Variants in GSDME observed in about 807,000 individuals in gnomAD.
GSDME encodes the protein gasdermin E.
GSDME carries 44 observed loss-of-function variants against 47.5 expected under a neutral mutation model. The observed-to-expected ratio is 0.93, with a 90% CI of 0.73 to 1.19. GSDME has a LOEUF of 1.19. Ranked by LOEUF, GSDME falls within the 50% of genes most tolerant of loss-of-function variation. GSDME has a pLI of 0.00. For missense variants in GSDME, 663 were observed against 604.2 expected (o/e 1.10, Z -1.02); for synonymous variants, 258 against 252.8 (o/e 1.02, Z -0.20).
chr7:24,722,591 C>T (rs1458113144), intron 3 of GSDME, among the ~76,000 whole-genome samples: 6 of 152,190 alleles, frequency 3.9e-5, no homozygotes, highest in African/African-American at 9.7e-5. Context: ...CCACAACTGC[C>T]GCCTTTAGGA....
In GSDME at chr7:24,712,441, G is replaced by A. The variant is rs1316300590; in HGVS notation, c.698-2053C>T. Reference sequence around the variant, plus strand: ...TTCACCCATGCATAGCTCCCTGAGGGCGCCACCAATTAATTCCTTCATTCT... The same window carrying A: ...TTCACCCATGCATAGCTCCCTGAGGACGCCACCAATTAATTCCTTCATTCT... On this transcript the variant is annotated intron_variant, in intron 5 of 9. Coordinates refer to ENST00000645220, the MANE Select transcript of GSDME (RefSeq NM_001127453.2). This position sits in a 1 kb window ranked among gnomAD's most constrained non-coding sequence, Gnocchi z 4.4. 6.6e-6 allele frequency among the ~76,000 whole-genome samples: 1 copy of A among 152,138 alleles called. No individual in the cohort carries two copies. Among genetic ancestry groups the A allele is most frequent in the Non-Finnish European group, 1.5e-5 (1 of 68,026 alleles).
intron 8 of GSDME, chr7:24,703,108 T>TG: frequency 7.9e-6 from 3 of 381,046 alleles, no homozygotes; most frequent in East Asian, 6.5e-5. Flanking sequence ...GCCCAGACTC[T>TG]GGGGGAAGGA....
upstream of GSDME, chr7:24,757,474 G>A (rs10243512): frequency 1.3e-5 from 2 of 151,680 alleles, no homozygotes; most frequent in Non-Finnish European, 2.9e-5. The surrounding 1 kb of genome is among the most constrained non-coding windows in gnomAD (Gnocchi z 5.9). Flanking sequence ...TGGGCCGGCG[G>A]GGGGCGGGCG....
At chr7:24,710,109 A>C in intron 6 of GSDME, 115 bp downstream of exon 6, 1 of 1,183,788 alleles carries the variant, frequency 8.4e-7, no homozygotes, top group Non-Finnish European at 1.2e-6. Context: ...CTCTCTTCTC[A>C]TATGTTTTCT....
chr7:24,756,830 G>C lies in GSDME; in HGVS notation c.-20+566C>G, dbSNP rs368070311. On this transcript the variant is annotated intron_variant, in intron 1 of 9. Coordinates refer to ENST00000645220, the MANE Select transcript of GSDME (RefSeq NM_001127453.2). This position sits in a 1 kb window ranked among gnomAD's most constrained non-coding sequence, Gnocchi z 4.2. ...CATTCCAGCGCATGCCAGGCACACCGAGTGGGGCTTGGCCTCCTCCCCAAG... is the reference window on the plus strand; with the variant it reads ...CATTCCAGCGCATGCCAGGCACACCCAGTGGGGCTTGGCCTCCTCCCCAAG... Among the ~76,000 whole-genome samples, 1 of 152,204 alleles carries C rather than the reference G, an allele frequency of 6.6e-6. No individual in the cohort carries two copies. The highest frequency in any genetic ancestry group is 1.5e-5 in the Non-Finnish European group (1 of 68,038).
chr7:24,706,855 T>C (rs553949125), intron 7 of GSDME, among the ~76,000 whole-genome samples: 1 of 140,916 alleles, frequency 7.1e-6, no homozygotes, highest in Admixed American at 7.0e-5. Flanking sequence ...ACCCCGCCAA[T>C]TCTGCACCAC....
rs892049696 is a variant in GSDME, at chr7:24,714,837, T to C, written c.697+2417A>G. Among the ~76,000 whole-genome samples the C allele has an allele frequency of 5.3e-5, 8 of 152,112 alleles. No individual in the cohort carries two copies. The highest frequency in any genetic ancestry group is 8.8e-5 in the Non-Finnish European group (6 of 68,026). On this transcript the variant is annotated intron_variant, in intron 5 of 9. Transcript: ENST00000645220. This position sits in a 1 kb window ranked among gnomAD's most constrained non-coding sequence, Gnocchi z 5.0. ...ACCACCTAGAGTGGCAGCCCAGGCCTGGGTCCCCGCCACCGAAGGGTCCGC... is the reference window on the plus strand; with the variant it reads ...ACCACCTAGAGTGGCAGCCCAGGCCCGGGTCCCCGCCACCGAAGGGTCCGC...
At chr7:24,717,664 C>T (rs1360907892) in intron 4 of GSDME, among the ~76,000 whole-genome samples, 2 of 152,144 alleles carry the variant, frequency 1.3e-5, no homozygotes, top group African/African-American at 2.4e-5. Flanking sequence ...TCATACGATA[C>T]GTAAGATCAC....
At position 24,706,332 on chromosome 7, in the gene GSDME, C is replaced by T. The variant is rs752571953; in HGVS notation, c.1035G>A (p.Leu345=). The change falls in exon 8 of 10, where the codon CTG becomes CTA. Residue 345 remains leucine, a synonymous_variant. Coordinates refer to ENST00000645220, the MANE Select transcript of GSDME (RefSeq NM_001127453.2). ...VSGLSPTVAV[L]GELKPRQQQD... ...GCTGCTGCCGGGGCTTCAGCTCCCC[C>T]AGCACCGCCACTGTGGGCGAGAGGC... is the stretch of plus-strand genomic sequence containing the variant. 2.5e-6 allele frequency: 4 copies of T among 1,613,174 alleles called. No homozygotes were observed. The South Asian group carries it at 3.3e-5, about 13-fold the overall frequency.
At position 24,756,817 on chromosome 7, in the gene GSDME, T is replaced by C. The variant is rs2128068998; in HGVS notation, c.-20+579A>G. 6.6e-6 allele frequency among the ~76,000 whole-genome samples: 1 copy of C among 152,294 alleles called. No individual in the cohort carries two copies. Among genetic ancestry groups the C allele is most frequent in the South Asian group, 2.1e-4 (1 of 4,826 alleles). ...AGCTCTTGAGAGCCATTCCAGCGCATGCCAGGCACACCGAGTGGGGCTTGG... is the reference window on the plus strand; with the variant it reads ...AGCTCTTGAGAGCCATTCCAGCGCACGCCAGGCACACCGAGTGGGGCTTGG... On this transcript the variant is annotated intron_variant, in intron 1 of 9. Coordinates refer to ENST00000645220, the MANE Select transcript of GSDME (RefSeq NM_001127453.2). This position sits in a 1 kb window ranked among gnomAD's most constrained non-coding sequence, Gnocchi z 4.2.
At chr7:24,749,268 G>A (rs958927073) in intron 2 of GSDME, among the ~76,000 whole-genome samples, 2 of 152,056 alleles carry the variant, frequency 1.3e-5, no homozygotes, top group Admixed American at 6.6e-5. Context: ...TTGGGAGACC[G>A]AGGTGGGTGG....
the GSDME span, among the ~76,000 whole-genome samples, chr7:24,793,300 G>A: frequency 6.6e-6 from 1 of 152,122 alleles, no homozygotes; most frequent in African/African-American, 2.4e-5. Flanking sequence ...AAAACCCGTG[G>A]TGTTTTTACT....
In GSDME at chr7:24,754,214, T is replaced by C. The variant is rs941357662; in HGVS notation, c.-20+3182A>G. Among the ~76,000 whole-genome samples, 1 of 152,184 alleles carries C rather than the reference T, an allele frequency of 6.6e-6. No individual in the cohort carries two copies. Among genetic ancestry groups the C allele is most frequent in the African/African-American group, 2.4e-5 (1 of 41,434 alleles). On this transcript the variant is annotated intron_variant, in intron 1 of 9. Transcript: ENST00000645220. The surrounding 1 kb of genome is among the most constrained non-coding windows in gnomAD (Gnocchi z 5.0). ...TAAAAGTTATATTAGCAGCCGGGCC[T>C]GGTGGCTCATGCCTGTAATCCCAGC...
chr7:24,720,078 G>A (rs1349038277), intron 3 of GSDME, among the ~76,000 whole-genome samples: 1 of 152,186 alleles, frequency 6.6e-6, no homozygotes, highest in Non-Finnish European at 1.5e-5. Flanking sequence ...CTTAGAAGGG[G>A]TTTGATGTCT....
In GSDME at chr7:24,713,018, CAAA is replaced by C. The variant is rs34346794; in HGVS notation, c.698-2633_698-2631del. ...GGGCAACAAGAGTGAAACTCAGTCT[CAAA>C]AAAAAAAAAAAGGGAAAAGCACGCA... is the stretch of plus-strand genomic sequence containing the variant. On this transcript the variant is annotated intron_variant, in intron 5 of 9. Coordinates refer to ENST00000645220, the MANE Select transcript of GSDME (RefSeq NM_001127453.2). 4.6e-5 allele frequency among the ~76,000 whole-genome samples: 5 copies of C among 108,396 alleles called. No homozygotes were observed. The South Asian group carries it at 1.1e-3, about 23-fold the overall frequency. The allele number at this position is 108,396 out of a possible 152,430, so 71.1% of individuals were successfully genotyped here.
chr7:24,710,391 G>C lies in GSDME; in HGVS notation c.698-3C>G, dbSNP rs755640329. ...CTTCCCTCGGAGAAGGCAGAACTCTGTAGTGCAGGAGAAAAGGACAAGTTA... is the reference window on the plus strand; with the variant it reads ...CTTCCCTCGGAGAAGGCAGAACTCTCTAGTGCAGGAGAAAAGGACAAGTTA... On this transcript the variant is annotated splice_region_variant and splice_polypyrimidine_tract_variant and intron_variant, in intron 5 of 9. Transcript: ENST00000645220. The C allele has an allele frequency of 1.2e-5, 20 of 1,614,038 alleles. No individual in the cohort carries two copies. Among genetic ancestry groups the C allele is most frequent in the Non-Finnish European group, 1.6e-5 (19 of 1,180,014 alleles).
chr7:24,699,261 T>G lies in GSDME; in HGVS notation c.1258-2A>C. On this transcript the variant is annotated splice_acceptor_variant, in intron 9 of 9. Transcript: ENST00000645220. LOFTEE classifies it high-confidence loss of function. ...TCCATCATCAGACAGAGCACGAAGC[T>G]GAAATGACACATTTAAACAAATTCA... is the stretch of plus-strand genomic sequence containing the variant. The G allele has an allele frequency of 6.3e-7, 1 of 1,597,530 alleles. No individual in the cohort carries two copies. The highest frequency in any genetic ancestry group is 8.6e-7 in the Non-Finnish European group (1 of 1,164,940).
intron 2 of GSDME, among the ~76,000 whole-genome samples, chr7:24,747,655 CCTTA>C (rs1245810308): frequency 2.0e-5 from 3 of 151,546 alleles, no homozygotes; most frequent in African/African-American, 7.3e-5. Context: ...CTCATTGCAG[CCTTA>C]CTTATTAATC....
intron 3 of GSDME, among the ~76,000 whole-genome samples, chr7:24,719,565 G>A (rs1256660784): frequency 6.6e-6 from 1 of 151,836 alleles, no homozygotes; most frequent in Non-Finnish European, 1.5e-5. Context: ...GGCTGAGGCA[G>A]GCAGATCACT....
Sources: gnomAD v4.1 joint callset for allele counts (sites outside exome capture counted in the v4.1 genomes callset) on GRCh38, gnomAD v4.1.1 for gene constraint, Gnocchi (gnomAD v3.1) non-coding constraint, MANE v1.5 for transcripts, NCBI Gene and HGNC (gene_info 2026-07-23, HGNC 2026-07-21) for gene names.